MAN1A1: variants seen among roughly 807,000 people sequenced by gnomAD.
MAN1A1 encodes the protein mannosyl-oligosaccharide 1,2-alpha-mannosidase IA.
In MAN1A1, 29 loss-of-function variants were observed where a neutral mutation model predicts 70.8. The observed-to-expected ratio is 0.41, with a 90% CI of 0.31 to 0.56. MAN1A1 has a LOEUF of 0.56. Among genes scored for constraint, MAN1A1 ranks in the 20% least tolerant of loss-of-function variants. The pLI is 0.29. For missense variants in MAN1A1, 747 were observed against 841.3 expected (o/e 0.89, Z 1.39); for synonymous variants, 349 against 330.1 (o/e 1.06, Z -0.62).
At chr6:119,191,551 G>C (rs1773442277) in intron 9 of MAN1A1, among the ~76,000 whole-genome samples, 1 of 152,120 alleles carries the variant, frequency 6.6e-6, no homozygotes, top group African/African-American at 2.4e-5. Flanking sequence ...TTAGAAAAAA[G>C]AGTACTATAT....
chr6:119,228,758 A>G (rs2114274971), intron 6 of MAN1A1, among the ~76,000 whole-genome samples: 1 of 152,288 alleles, frequency 6.6e-6, no homozygotes, highest in East Asian at 1.9e-4. Flanking sequence ...GAAAATAAAT[A>G]GTTATAATTA....
intron 6 of MAN1A1, among the ~76,000 whole-genome samples, chr6:119,233,533 G>A (rs1582719989): frequency 6.6e-6 from 1 of 152,312 alleles, no homozygotes; most frequent in East Asian, 1.9e-4. Flanking sequence ...TGGGCTTAAA[G>A]GTGAATGACA....
At chr6:119,349,416 C>A (rs1373514244) in intron 1 of MAN1A1, 126 bp downstream of exon 1, 2 of 919,110 alleles carry the variant, frequency 2.2e-6, no homozygotes, top group Non-Finnish European at 2.6e-6. Context: ...CCAGTCCGGG[C>A]ACCGCCCTCG....
Position 119,306,952 on chromosome 6 carries a change from C to G in MAN1A1, c.644G>C (p.Trp215Ser). Residue 215 changes from tryptophan (W) to serine (S), a missense_variant, in exon 3 of 13, where the codon TGG becomes TCG. Around this residue, in one of 2 missense-constraint regions of MAN1A1, gnomAD observed 419 missense variants for 548.2 expected, o/e 0.76. Transcript: ENST00000368468. ...HAWNNYKGYAWGLNELKPISK... is the reference protein window; with the variant it reads ...HAWNNYKGYASGLNELKPISK... ...TATAGGTTTGAGTTCATTTAATCCC[C>G]AGGCATAACCTTTATAATTATTCCA... is the stretch of plus-strand genomic sequence containing the variant. 1 of 1,598,532 alleles carries G rather than the reference C, an allele frequency of 6.3e-7. No individual in the cohort carries two copies. Among genetic ancestry groups the G allele is most frequent in the Non-Finnish European group, 8.6e-7 (1 of 1,166,158 alleles).
chr6:119,183,278 C>T (rs1055881892), intron 11 of MAN1A1, among the ~76,000 whole-genome samples: 1 of 152,046 alleles, frequency 6.6e-6, no homozygotes, highest in Admixed American at 6.5e-5. Flanking sequence ...TAAAAAGCCC[C>T]GAAGAAAATA....
intron 6 of MAN1A1, among the ~76,000 whole-genome samples, chr6:119,223,268 G>T (rs1045566379): frequency 6.6e-6 from 1 of 151,926 alleles, no homozygotes; most frequent in African/African-American, 2.4e-5. Context: ...TATTACAAGT[G>T]ATATTTTTCT....
At chr6:119,284,382 AC>A (rs1297713682) in intron 5 of MAN1A1, among the ~76,000 whole-genome samples, 1 of 152,150 alleles carries the variant, frequency 6.6e-6, no homozygotes, top group African/African-American at 2.4e-5. Context: ...ACTCAAACTC[AC>A]GGTCATCAAA....
intron 2 of MAN1A1, among the ~76,000 whole-genome samples, chr6:119,315,730 C>A (rs1392653200): frequency 1.3e-5 from 2 of 152,182 alleles, no homozygotes; most frequent in Admixed American, 6.5e-5. Context: ...AATATCTAGT[C>A]CATTCCTTTT....
At chr6:119,200,427 A>G (rs1007741104) in intron 8 of MAN1A1, among the ~76,000 whole-genome samples, 1 of 152,178 alleles carries the variant, frequency 6.6e-6, no homozygotes, top group African/African-American at 2.4e-5. Context: ...CTTTCCTATT[A>G]AACTATTCTT....
intron 6 of MAN1A1, among the ~76,000 whole-genome samples, chr6:119,227,623 CCAT>C (rs1408593910): frequency 5.3e-5 from 8 of 152,124 alleles, no homozygotes; most frequent in African/African-American, 1.9e-4. Flanking sequence ...GTGCACACCA[CCAT>C]GAGCAGCTAT....
chr6:119,187,125 A>G (rs953909259), intron 11 of MAN1A1, among the ~76,000 whole-genome samples: 1 of 152,222 alleles, frequency 6.6e-6, no homozygotes, highest in African/African-American at 2.4e-5. Context: ...CTTCTCGGCC[A>G]TACATTTTGT....
chr6:119,292,180 C>G (rs528236173), intron 4 of MAN1A1, among the ~76,000 whole-genome samples: 12 of 152,100 alleles, frequency 7.9e-5, no homozygotes, highest in South Asian at 2.1e-4. Flanking sequence ...GTAAATAGAT[C>G]TGTCTTACAT....
At chr6:119,215,062 AGG>A (rs947317654) in intron 6 of MAN1A1, among the ~76,000 whole-genome samples, 6 of 143,408 alleles carry the variant, frequency 4.2e-5, no homozygotes, top group Non-Finnish European at 7.6e-5. Flanking sequence ...GGTGGGGGGA[AGG>A]GGGAAGGATA....
intron 6 of MAN1A1, among the ~76,000 whole-genome samples, chr6:119,211,785 C>G (rs928971557): frequency 3.3e-5 from 5 of 151,590 alleles, no homozygotes; most frequent in African/African-American, 1.2e-4. Flanking sequence ...GAATCTCTGT[C>G]CTTCCTACTT....
chr6:119,260,080 T>C lies in MAN1A1; in HGVS notation c.898-11726A>G, dbSNP rs1775566352. Among the ~76,000 whole-genome samples the C allele has an allele frequency of 3.3e-5, 5 of 152,182 alleles. No homozygotes were observed. In the South Asian group the frequency reaches 1.0e-3, roughly 31 times the overall value. ...AATCTACATTGTATACAACATTCTA[T>C]ATCAGGGGTCAGCAAACATTTTCTA... On this transcript the variant is annotated intron_variant, in intron 5 of 12. Coordinates refer to ENST00000368468, the MANE Select transcript of MAN1A1 (RefSeq NM_005907.4).
At chr6:119,200,527 A>G (rs1773688147) in intron 8 of MAN1A1, among the ~76,000 whole-genome samples, 1 of 152,214 alleles carries the variant, frequency 6.6e-6, no homozygotes, top group Non-Finnish European at 1.5e-5. Context: ...TAAAATCTTA[A>G]GGCAGTGTAC....
intron 6 of MAN1A1, chr6:119,210,965 C>T (rs1204647814): frequency 2.2e-6 from 1 of 445,478 alleles, no homozygotes; most frequent in Non-Finnish European, 4.5e-6. Flanking sequence ...CTTTTTAAAA[C>T]TGGGGAGGAG....
chr6:119,312,730 C>A (rs1772743632), intron 2 of MAN1A1, among the ~76,000 whole-genome samples: 1 of 152,136 alleles, frequency 6.6e-6, no homozygotes, highest in African/African-American at 2.4e-5. Flanking sequence ...CCCCTTAGTT[C>A]TCTCATCTTT....
intron 5 of MAN1A1, among the ~76,000 whole-genome samples, chr6:119,280,135 A>G (rs1044385303): frequency 1.3e-5 from 2 of 152,178 alleles, no homozygotes; most frequent in African/African-American, 4.8e-5. Flanking sequence ...TCAGTGTATA[A>G]TGCCCTGGAC....
Sources: gnomAD v4.1 joint callset for allele counts (sites outside exome capture counted in the v4.1 genomes callset) on GRCh38, gnomAD v4.1.1 for gene constraint, gnomAD v4.1.1 regional missense constraint, MANE v1.5 for transcripts, NCBI Gene and HGNC (gene_info 2026-07-23, HGNC 2026-07-21) for gene names.